Variants in TENM4 observed in about 807,000 individuals in gnomAD.
The protein encoded by TENM4 is teneurin transmembrane protein 4.
In TENM4, 82 loss-of-function variants were observed where a neutral mutation model predicts 243.3. The ratio of observed to expected loss-of-function variants is 0.34; its 90% CI spans 0.28 to 0.40. The LOEUF is 0.40. Among genes scored for constraint, TENM4 ranks in the 10% least tolerant of loss-of-function variants. The probability of loss-of-function intolerance (pLI) is 1.00; values close to 1 mark genes in which losing one functional copy is unlikely to be tolerated. For synonymous variants in TENM4, 1,412 were observed against 1,456.3 expected (o/e 0.97, Z 0.69); for missense variants, 3,138 against 3,673.3 (o/e 0.85, Z 3.77).
chr11:78,918,974 T>C (rs546807355), intron 6 of TENM4, among the ~76,000 whole-genome samples: 1 of 152,260 alleles, frequency 6.6e-6, no homozygotes, highest in African/African-American at 2.4e-5. Flanking sequence ...CCTCTCTGAG[T>C]GTCATCTATA....
chr11:79,272,366 C>T (rs1855982769), intron 2 of TENM4, among the ~76,000 whole-genome samples: 1 of 152,086 alleles, frequency 6.6e-6, no homozygotes, highest in Non-Finnish European at 1.5e-5. Flanking sequence ...AAAATGACAA[C>T]AATTTTAATG....
rs1229926121 is a variant in TENM4, at chr11:78,729,713, C to A, written c.3139-70G>T. 2.4e-5 allele frequency: 37 copies of A among 1,523,140 alleles called. No individual in the cohort carries two copies. In the South Asian group the frequency reaches 4.5e-4, roughly 18 times the overall value. The allele number at this position is 1,523,140 out of a possible 1,614,324, so 94.4% of individuals were successfully genotyped here. ...ACCGAGTGGAGGGAAGATGGCGTGG[C>A]CCCATGGACTCTGGGTGTTCAGGAG... On this transcript the variant is annotated intron_variant, in intron 21 of 33. Transcript: ENST00000278550.
chr11:79,077,991 A>G (rs1860575017), intron 4 of TENM4, among the ~76,000 whole-genome samples: 1 of 152,134 alleles, frequency 6.6e-6, no homozygotes, highest in South Asian at 2.1e-4. Context: ...TTGGTGTTTG[A>G]GGAGAAATTC....
At position 78,669,682 on chromosome 11, in the gene TENM4, C is replaced by T; in HGVS notation, c.6663G>A (p.Gly2221=). 3 of 1,613,978 alleles carry T rather than the reference C, an allele frequency of 1.9e-6. No homozygotes were observed. Among genetic ancestry groups the T allele is most frequent in the Non-Finnish European group, 2.5e-6 (3 of 1,179,888 alleles). Residue 2221 remains glycine, a synonymous_variant, in exon 32 of 34, where the codon GGG becomes GGA. Transcript: ENST00000278550. This position sits in a 1 kb window ranked among gnomAD's most constrained non-coding sequence, Gnocchi z 6.4. ...TCCCAGGGCTCAGTAAGTGCAGGTT[C>T]CCATTGAGGTCGTAGCTGTAGCGCC... ...PLWRYSYDLN[G]NLHLLSPGNS...
intron 6 of TENM4, among the ~76,000 whole-genome samples, chr11:79,028,982 G>A (rs1167354928): frequency 1.3e-5 from 2 of 152,146 alleles, no homozygotes; most frequent in Admixed American, 1.3e-4. Flanking sequence ...AGAGTCTTGA[G>A]AAATTGGCCA....
In TENM4 at chr11:78,712,492, G is replaced by A; in HGVS notation, c.4044C>T (p.Thr1348=). The change falls in exon 26 of 34, where the codon ACC becomes ACT. Residue 1348 remains threonine (T), a synonymous_variant. Transcript: ENST00000278550. ...DGGKATEATL[T]NPRGITVDKF... ...AAGGCAAGGCCTTACCCCTGGGATT[G>A]GTGAGTGTGGCTTCTGTGGCCTTCC... is the stretch of plus-strand genomic sequence containing the variant. 1 of 1,613,850 alleles carries A rather than the reference G, an allele frequency of 6.2e-7. No homozygotes were observed. The highest frequency in any genetic ancestry group is 2.2e-5 in the East Asian group (1 of 44,878).
intron 1 of TENM4, among the ~76,000 whole-genome samples, chr11:79,340,759 A>G (rs956393621): frequency 6.6e-6 from 1 of 151,802 alleles, no homozygotes; most frequent in Admixed American, 6.6e-5. Context: ...ATTCTTCAAG[A>G]CCCATCTGAA....
intron 15 of TENM4, among the ~76,000 whole-genome samples, chr11:78,791,826 C>T (rs879593705): frequency 1.3e-5 from 2 of 152,144 alleles, no homozygotes; most frequent in Non-Finnish European, 2.9e-5. Context: ...TTGCAACATA[C>T]CCAATAACAA....
chr11:79,258,548 A>G (rs968050231), intron 2 of TENM4, among the ~76,000 whole-genome samples: 13 of 152,184 alleles, frequency 8.5e-5, no homozygotes, highest in African/African-American at 3.1e-4. Flanking sequence ...AGTGGCCTTG[A>G]CTTGTAATAC....
intron 1 of TENM4, among the ~76,000 whole-genome samples, chr11:79,384,495 G>T (rs1013428095): frequency 6.6e-6 from 1 of 150,584 alleles, no homozygotes; most frequent in Non-Finnish European, 1.5e-5. Flanking sequence ...TCTGAGATGC[G>T]GGGGGGTTGA....
intron 1 of TENM4, among the ~76,000 whole-genome samples, chr11:79,410,015 A>G (rs1858664819): frequency 6.6e-6 from 1 of 152,114 alleles, no homozygotes; most frequent in Non-Finnish European, 1.5e-5. Flanking sequence ...CCACACATAA[A>G]ATACACTAAA....
intron 6 of TENM4, among the ~76,000 whole-genome samples, chr11:79,023,419 G>A (rs545475092): frequency 1.9e-4 from 29 of 152,098 alleles, no homozygotes; most frequent in African/African-American, 5.3e-4. Flanking sequence ...AAAATTAGCC[G>A]GGCGCAGTGG....
intron 30 of TENM4, among the ~76,000 whole-genome samples, chr11:78,675,266 TGAACTTTCTTTGCTGAAGG>T (rs571309537): frequency 0.012 from 1,871 of 152,308 alleles, 19 homozygotes; most frequent in Middle Eastern, 0.045. Flanking sequence ...GGGGCTTCAG[TGAACTTTCTTTGCTGAAGG>T]GCAGGGGACT....
At chr11:79,411,939 G>A (rs1858709695) in intron 1 of TENM4, among the ~76,000 whole-genome samples, 1 of 152,210 alleles carries the variant, frequency 6.6e-6, no homozygotes, top group South Asian at 2.1e-4. Context: ...TCATCTTCAA[G>A]AGGAAATTCT....
At chr11:79,312,972 C>T (rs1856746703) in intron 1 of TENM4, among the ~76,000 whole-genome samples, 1 of 152,182 alleles carries the variant, frequency 6.6e-6, no homozygotes, top group African/African-American at 2.4e-5. Flanking sequence ...GATTCGCTGC[C>T]CACCTAATTC....
At chr11:79,048,523 C>T (rs1859715741) in intron 6 of TENM4, among the ~76,000 whole-genome samples, 1 of 152,146 alleles carries the variant, frequency 6.6e-6, no homozygotes, top group Non-Finnish European at 1.5e-5. Context: ...TCCTTTCTAA[C>T]ACCCTCTACC....
intron 14 of TENM4, among the ~76,000 whole-genome samples, chr11:78,806,148 A>C (rs1271746704): frequency 1.3e-5 from 2 of 152,176 alleles, no homozygotes; most frequent in East Asian, 3.9e-4. Flanking sequence ...AAATGAAAAA[A>C]ATTAGCTAGG....
At chr11:79,404,019 C>T (rs1858516765) in intron 1 of TENM4, among the ~76,000 whole-genome samples, 1 of 152,204 alleles carries the variant, frequency 6.6e-6, no homozygotes, top group African/African-American at 2.4e-5. Context: ...AAGCACTTCA[C>T]TGGCTCAGAG....
intron 9 of TENM4, among the ~76,000 whole-genome samples, chr11:78,879,488 C>T (rs796593048): frequency 7.7e-5 from 10 of 129,570 alleles, no homozygotes; most frequent in East Asian, 2.5e-4. Flanking sequence ...AGGTGAGGAG[C>T]GCCTCTACCT....
Sources: gnomAD v4.1 joint callset for allele counts (sites outside exome capture counted in the v4.1 genomes callset) on GRCh38, gnomAD v4.1.1 for gene constraint, Gnocchi (gnomAD v3.1) non-coding constraint, MANE v1.5 for transcripts, NCBI Gene and HGNC (gene_info 2026-07-23, HGNC 2026-07-21) for gene names.